VEGFC: variants seen among roughly 807,000 people sequenced by gnomAD.
VEGFC encodes the protein vascular endothelial growth factor C.
Under a neutral mutation model 46.1 loss-of-function variants are expected in VEGFC, and 12 were observed. The observed-to-expected ratio is 0.26, with a 90% confidence interval of 0.17 to 0.42. The LOEUF is 0.42. VEGFC is among the 10% of genes least tolerant of loss of function. VEGFC has a pLI of 1.00. For synonymous variants in VEGFC, 232 were observed against 195.5 expected, an observed-to-expected ratio of 1.19 and a Z score of -1.56; for missense variants, 488 against 529.4, an observed-to-expected ratio of 0.92 and a Z score of 0.77.
chr4:176,698,096 G>A (rs113273950), intron 4 of VEGFC, among the ~76,000 whole-genome samples: 1 of 151,290 alleles, frequency 6.6e-6, no homozygotes, highest in African/African-American at 2.4e-5. Flanking sequence ...TAACTAACCT[G>A]CACAATGTGC....
At chr4:176,691,146 C>A (rs1007206128) in intron 4 of VEGFC, among the ~76,000 whole-genome samples, 7 of 152,010 alleles carry the variant, frequency 4.6e-5, no homozygotes, top group Non-Finnish European at 5.9e-5. Flanking sequence ...TCAACATTTC[C>A]AAAATATTTT....
chr4:176,767,877 C>G (rs543120047), intron 1 of VEGFC, among the ~76,000 whole-genome samples: 1 of 152,100 alleles, frequency 6.6e-6, no homozygotes, highest in Non-Finnish European at 1.5e-5. Context: ...GAACGCTGCC[C>G]TGATCCAAGT....
At chr4:176,773,698 T>C (rs528552941) in intron 1 of VEGFC, among the ~76,000 whole-genome samples, 9 of 152,266 alleles carry the variant, frequency 5.9e-5, no homozygotes, top group Admixed American at 3.3e-4. Context: ...TGTTGTTTTT[T>C]AAGAGACAGG....
In VEGFC at chr4:176,792,417, C is replaced by A. The variant is rs941790404; in HGVS notation, c.-106G>T. 24 of 904,356 alleles carry A rather than the reference C, an allele frequency of 2.7e-5. No individual in the cohort carries two copies. In the African/African-American group the frequency reaches 3.0e-4, roughly 11 times the overall value. 56.0% of individuals were successfully genotyped at this position (904,356 alleles called of 1,614,324 possible). On this transcript the variant is annotated 5_prime_UTR_variant, in exon 1 of 7. Coordinates refer to ENST00000618562, the MANE Select transcript of VEGFC (RefSeq NM_005429.5). This position sits in a 1 kb window ranked among gnomAD's most constrained non-coding sequence, Gnocchi z 6.3. ...CCCCTCCTGGTCCCTCTCCCCCGGG[C>A]TCCTCCCGGCGACCCCCCCTGGGCG...
At chr4:176,700,191 C>T (rs923692011) in intron 4 of VEGFC, among the ~76,000 whole-genome samples, 1 of 152,112 alleles carries the variant, frequency 6.6e-6, no homozygotes, top group Non-Finnish European at 1.5e-5. Flanking sequence ...TCGAGATGGG[C>T]AGATCACCTG....
chr4:176,758,654 G>C (rs1180053739), intron 1 of VEGFC, among the ~76,000 whole-genome samples: 4 of 152,114 alleles, frequency 2.6e-5, no homozygotes, highest in Non-Finnish European at 5.9e-5. Context: ...CCTATCTCCA[G>C]AAAGTGGGCT....
At position 176,747,066 on chromosome 4, in the gene VEGFC, T is replaced by C. The variant is rs563510172; in HGVS notation, c.148-17320A>G. On this transcript the variant is annotated intron_variant, in intron 1 of 6. Transcript: ENST00000618562. ...ATAAGTAGTATGCTTTTGCTTCATG[T>C]TTCCTATTTACATAATTCAAAGCTT... 2.6e-5 allele frequency among the ~76,000 whole-genome samples: 4 copies of C among 152,276 alleles called. No individual in the cohort carries two copies. The South Asian group carries it at 8.3e-4, about 32-fold the overall frequency.
chr4:176,714,445 T>G (rs980390598), intron 3 of VEGFC, among the ~76,000 whole-genome samples: 10 of 152,154 alleles, frequency 6.6e-5, no homozygotes, highest in African/African-American at 2.4e-4. Context: ...ATAAGCCAAT[T>G]AAGCCTATTT....
chr4:176,742,364 T>C (rs774916826), intron 1 of VEGFC, among the ~76,000 whole-genome samples: 1 of 151,986 alleles, frequency 6.6e-6, no homozygotes, highest in Non-Finnish European at 1.5e-5. Flanking sequence ...TCCATGACTT[T>C]GCTATTAAAA....
At chr4:176,703,920 T>C (rs1014310718) in intron 4 of VEGFC, among the ~76,000 whole-genome samples, 2 of 152,180 alleles carry the variant, frequency 1.3e-5, no homozygotes, top group Non-Finnish European at 2.9e-5. Flanking sequence ...TGTGTAAATG[T>C]GAATTTCTTT....
At position 176,747,881 on chromosome 4, in the gene VEGFC, G is replaced by T. The variant is rs189297550; in HGVS notation, c.148-18135C>A. On this transcript the variant is annotated intron_variant, in intron 1 of 6. Coordinates refer to ENST00000618562, the MANE Select transcript of VEGFC (RefSeq NM_005429.5). Reference sequence around the variant, plus strand: ...GAGGGTCAGGAAATAGGAGGAAGCTGGCTTGGGGCAAATAATAATTACTTT... The same window carrying T: ...GAGGGTCAGGAAATAGGAGGAAGCTTGCTTGGGGCAAATAATAATTACTTT... Among the ~76,000 whole-genome samples, 26 of 152,038 alleles carry T rather than the reference G, an allele frequency of 1.7e-4. No individual in the cohort carries two copies. In the East Asian group the frequency reaches 4.7e-3, roughly 27 times the overall value.
intron 1 of VEGFC, among the ~76,000 whole-genome samples, chr4:176,737,342 C>T (rs184749128): frequency 1.4e-5 from 2 of 144,802 alleles, no homozygotes; most frequent in South Asian, 4.3e-4. Flanking sequence ...TATATAAATA[C>T]AGAATAAATA....
Position 176,792,058 on chromosome 4 carries a change from G to A in VEGFC, c.147+107C>T. ...TGAGCTCAGTAACTTTGGATCCCACGTACACAAGCTTAAAGCACACACACT... is the reference window on the plus strand; with the variant it reads ...TGAGCTCAGTAACTTTGGATCCCACATACACAAGCTTAAAGCACACACACT... On this transcript the variant is annotated intron_variant, in intron 1 of 6. Coordinates refer to ENST00000618562, the MANE Select transcript of VEGFC (RefSeq NM_005429.5). The surrounding 1 kb of genome is among the most constrained non-coding windows in gnomAD (Gnocchi z 6.3). 1.5e-6 allele frequency: 2 copies of A among 1,333,050 alleles called. No individual in the cohort carries two copies. Among genetic ancestry groups the A allele is most frequent in the South Asian group, 4.5e-5 (2 of 44,304 alleles). The allele number at this position is 1,333,050 out of a possible 1,614,324, so 82.6% of individuals were successfully genotyped here. A position where few individuals can be genotyped will look rare whatever the true frequency, so the allele number is the denominator to read the frequency against.
chr4:176,776,130 G>C (rs1018679760), intron 1 of VEGFC, among the ~76,000 whole-genome samples: 44 of 152,060 alleles, frequency 2.9e-4, no homozygotes, highest in Admixed American at 1.4e-3. Flanking sequence ...CTCCATAATC[G>C]AGGCAACATA....
chr4:176,683,878 C>A lies in VEGFC; in HGVS notation c.*48G>T. The A allele has an allele frequency of 6.7e-7, 1 of 1,500,106 alleles. No homozygotes were observed. The highest frequency in any genetic ancestry group is 9.3e-7 in the Non-Finnish European group (1 of 1,076,532). 92.9% of individuals were successfully genotyped at this position (1,500,106 alleles called of 1,614,324 possible). On this transcript the variant is annotated 3_prime_UTR_variant, in exon 7 of 7. Transcript: ENST00000618562. ...TTCACAGACAGTTCTACTGTGGCAA[C>A]ACAGTTTTCCATAATAGAAAATCGA...
intron 6 of VEGFC, 55 bp downstream of exon 6, chr4:176,687,132 G>A (rs1734054992): frequency 1.3e-6 from 2 of 1,542,316 alleles, no homozygotes; most frequent in African/African-American, 1.4e-5. Context: ...ACTGCTTTTG[G>A]TTTAGAGCAT....
intron 1 of VEGFC, among the ~76,000 whole-genome samples, chr4:176,790,929 T>C (rs1253018556): frequency 6.6e-6 from 1 of 152,232 alleles, no homozygotes; most frequent in African/African-American, 2.4e-5. Flanking sequence ...TTCATGTATA[T>C]TGTTTTTACT....
intron 1 of VEGFC, among the ~76,000 whole-genome samples, chr4:176,739,105 T>C (rs1735106372): frequency 6.6e-6 from 1 of 151,938 alleles, no homozygotes; most frequent in South Asian, 2.1e-4. Flanking sequence ...CACAATGAGA[T>C]ACCATCTTAT....
intron 1 of VEGFC, among the ~76,000 whole-genome samples, chr4:176,778,997 A>G (rs1425669787): frequency 1.3e-5 from 2 of 152,228 alleles, no homozygotes; most frequent in African/African-American, 4.8e-5. Context: ...AGAACAGGAA[A>G]AAATGTCTAA....
Sources: allele counts gnomAD v4.1 joint callset (sites outside exome capture counted in the v4.1 genomes callset), GRCh38; gene constraint gnomAD v4.1.1; non-coding constraint Gnocchi (gnomAD v3.1); transcripts MANE v1.5; gene names NCBI Gene and HGNC (gene_info 2026-07-23, HGNC 2026-07-21).